Variants in RORA observed in about 807,000 individuals in gnomAD.
RORA encodes nuclear receptor ROR-alpha.
A neutral mutation model predicts 69.5 loss-of-function variants in RORA; 7 were observed. The ratio of observed to expected loss-of-function variants is 0.10; its 90% CI spans 0.06 to 0.19. The LOEUF is 0.19. RORA is among the 10% of genes least tolerant of loss of function. RORA has a pLI of 1.00. For synonymous variants in RORA, 261 were observed against 240.8 expected (o/e 1.08, Z -0.78); for missense variants, 457 against 663.0 (o/e 0.69, Z 3.41).
chr15:61,088,172 T>C (rs893284), intron 1 of RORA, among the ~76,000 whole-genome samples: 22,783 of 152,142 alleles, frequency 0.15, 2,315 homozygotes, highest in African/African-American at 0.27. Flanking sequence ...AAATATGACA[T>C]GGTTAGTGTC....
intron 2 of RORA, among the ~76,000 whole-genome samples, chr15:60,582,722 AGAGC>A (rs1467205048): frequency 1.3e-5 from 2 of 152,234 alleles, no homozygotes; most frequent in Non-Finnish European, 2.9e-5. Flanking sequence ...GAAATCTGTA[AGAGC>A]ACAGCCTGGG....
intron 1 of RORA, among the ~76,000 whole-genome samples, chr15:61,112,955 T>C (rs914348139): frequency 6.6e-6 from 1 of 152,218 alleles, no homozygotes; most frequent in African/African-American, 2.4e-5. Flanking sequence ...CATAATATTG[T>C]CCTGCAAGTT....
intron 2 of RORA, among the ~76,000 whole-genome samples, chr15:60,659,512 C>A (rs1448303625): frequency 6.6e-6 from 1 of 152,200 alleles, no homozygotes; most frequent in Non-Finnish European, 1.5e-5. Context: ...GAAGGTCAGA[C>A]AACCTTAGTA....
chr15:61,036,033 T>G (rs1896442659), intron 1 of RORA, among the ~76,000 whole-genome samples: 1 of 152,156 alleles, frequency 6.6e-6, no homozygotes, highest in Non-Finnish European at 1.5e-5. Flanking sequence ...CAAGAGACAG[T>G]CTATGCCTTT....
Position 60,497,190 on chromosome 15 carries a change from A to T in RORA, c.*265T>A, listed in dbSNP as rs1039713097. The T allele has an allele frequency of 2.9e-5, 10 of 347,876 alleles. No individual in the cohort carries two copies. In the Admixed American group the frequency reaches 4.3e-4, roughly 15 times the overall value. The allele number at this position is 347,876 out of a possible 1,614,324, so 21.5% of individuals were successfully genotyped here. On this transcript the variant is annotated 3_prime_UTR_variant, in exon 11 of 11. Transcript: ENST00000335670. Reference sequence around the variant, plus strand: ...ACTTTAGTACCCTCCTCCTGTTGTAAACAGAGGTCAATGATCAAGAAGTCA... The same window carrying T: ...ACTTTAGTACCCTCCTCCTGTTGTATACAGAGGTCAATGATCAAGAAGTCA...
At chr15:60,849,454 T>C (rs1027160215) in intron 1 of RORA, among the ~76,000 whole-genome samples, 1 of 152,210 alleles carries the variant, frequency 6.6e-6, no homozygotes, top group African/African-American at 2.4e-5. Context: ...TGGACAATAC[T>C]TGCTATTTAC....
chr15:60,609,697 A>G (rs2140578027), intron 2 of RORA, among the ~76,000 whole-genome samples: 1 of 152,320 alleles, frequency 6.6e-6, no homozygotes, highest in East Asian at 1.9e-4. Context: ...ATCATGATAC[A>G]CGAATCCTCA....
At chr15:60,578,178 A>C (rs560071908) in intron 2 of RORA, among the ~76,000 whole-genome samples, 1 of 152,328 alleles carries the variant, frequency 6.6e-6, no homozygotes, top group South Asian at 2.1e-4. Context: ...TTGCACTTTG[A>C]GTGGATCATT....
intron 2 of RORA, among the ~76,000 whole-genome samples, chr15:60,599,113 G>A (rs1396656255): frequency 6.6e-6 from 1 of 152,206 alleles, no homozygotes; most frequent in African/African-American, 2.4e-5. Flanking sequence ...AATAAGAGTG[G>A]TTACTATGTG....
intron 1 of RORA, among the ~76,000 whole-genome samples, chr15:60,968,542 G>T (rs183074718): frequency 9.2e-5 from 14 of 152,112 alleles, no homozygotes; most frequent in African/African-American, 3.4e-4. Context: ...CTCAAGCCTG[G>T]GTCTCCTCTC....
At chr15:61,007,740 C>T (rs1894954063) in intron 1 of RORA, among the ~76,000 whole-genome samples, 1 of 147,862 alleles carries the variant, frequency 6.8e-6, no homozygotes, top group Non-Finnish European at 1.5e-5. Context: ...TTTTATATAA[C>T]ATTAGCCTAA....
At chr15:60,610,026 CT>C (rs1277928887) in intron 2 of RORA, among the ~76,000 whole-genome samples, 2 of 152,134 alleles carry the variant, frequency 1.3e-5, no homozygotes, top group African/African-American at 4.8e-5. Flanking sequence ...CCGTTTGAAG[CT>C]GCTAAAGAGA....
At chr15:60,673,339 T>G (rs563710670) in intron 2 of RORA, among the ~76,000 whole-genome samples, 1 of 152,354 alleles carries the variant, frequency 6.6e-6, no homozygotes, top group South Asian at 2.1e-4. Flanking sequence ...TTATTTTTAA[T>G]ATGATGAGAC....
At chr15:60,597,593 T>TATATAG (rs1446528018) in intron 2 of RORA, among the ~76,000 whole-genome samples, 1 of 25,824 alleles carries the variant, frequency 3.9e-5, no homozygotes, top group Non-Finnish European at 7.2e-5. Context: ...TATATATATA[T>TATATAG]ACACATATAT....
At chr15:61,165,069 A>G (rs2079529200) in intron 1 of RORA, among the ~76,000 whole-genome samples, 2 of 152,192 alleles carry the variant, frequency 1.3e-5, no homozygotes, top group Non-Finnish European at 2.9e-5. Context: ...TTCTCTCTGT[A>G]GGTTCCCCTA....
chr15:60,540,834 C>T (rs1013438604), intron 2 of RORA, among the ~76,000 whole-genome samples: 5 of 152,110 alleles, frequency 3.3e-5, no homozygotes, highest in African/African-American at 1.2e-4. Context: ...CTTGAAAATG[C>T]ATTTACATCC....
At chr15:60,917,529 A>AC (rs1304309987) in intron 1 of RORA, among the ~76,000 whole-genome samples, 1 of 152,134 alleles carries the variant, frequency 6.6e-6, no homozygotes, top group African/African-American at 2.4e-5. Flanking sequence ...GTGCTGTCCC[A>AC]CTTTTTCCCT....
intron 1 of RORA, among the ~76,000 whole-genome samples, chr15:61,110,395 A>C (rs79577511): frequency 2.0e-5 from 2 of 101,048 alleles, no homozygotes; most frequent in African/African-American, 6.5e-5. Flanking sequence ...CTCAGTCTCA[A>C]AAAAAAAAAA....
chr15:60,791,954 C>T (rs1383636615), intron 1 of RORA, among the ~76,000 whole-genome samples: 1 of 150,708 alleles, frequency 6.6e-6, no homozygotes, highest in African/African-American at 2.4e-5. Context: ...AAAAAAAAAG[C>T]AGTAATAAAA....
Sources: gnomAD v4.1 joint callset for allele counts (sites outside exome capture counted in the v4.1 genomes callset) on GRCh38, gnomAD v4.1.1 for gene constraint, MANE v1.5 for transcripts, NCBI Gene and HGNC (gene_info 2026-07-23, HGNC 2026-07-21) for gene names.